SPATA4: variants seen among roughly 807,000 people sequenced by gnomAD.
SPATA4 encodes spermatogenesis associated 4, also known as spermatogenesis-associated protein 4.
SPATA4 carries 35 observed loss-of-function variants against 31.8 expected under a neutral mutation model. The observed-to-expected ratio is 1.10, with a 90% CI of 0.84 to 1.46. The LOEUF (loss-of-function observed/expected upper bound fraction) is 1.46, where lower values mean the gene tolerates loss of function less well. SPATA4 is among the 40% of genes most tolerant of loss of function. The probability of loss-of-function intolerance (pLI) is 0.00; values close to 1 mark genes in which losing one functional copy is unlikely to be tolerated. For missense variants in SPATA4, 394 were observed against 363.1 expected, an observed-to-expected ratio of 1.09 and a Z score of -0.69; for synonymous variants, 126 against 132.4, an observed-to-expected ratio of 0.95 and a Z score of 0.33.
rs756780103 is a variant in SPATA4 at position 176,195,554 on chromosome 4, G to T, written c.9C>A (p.Ala3=). The stretch of plus-strand genomic sequence containing the variant: ...TCAAATACCCTTTTTCCTGGCCGGC[G>T]GCAGCCATGACGCTTTCTGGGTTGC... MA[A]AGQEKGYLTQ... Residue 3 remains alanine (A), a synonymous_variant, in exon 1 of 6, where the codon GCC becomes GCA. Coordinates refer to ENST00000280191, the MANE Select transcript of SPATA4 (RefSeq NM_144644.4). 7 of 1,613,932 alleles carry T rather than the reference G, an allele frequency of 4.3e-6. No individual in the cohort carries two copies. The highest frequency in any genetic ancestry group is 1.3e-5 in the African/African-American group (1 of 74,930).
chr4:176,193,542 T>C lies in SPATA4; in HGVS notation c.259A>G (p.Ile87Val). ...NGFLIAEIFC[I>V]YYPWELELSS... ...AATTCAAGTTCCCAGGGGTAATATATACAGAATATTTCTGCAATTAGGAAG... is the reference window on the plus strand; with the variant it reads ...AATTCAAGTTCCCAGGGGTAATATACACAGAATATTTCTGCAATTAGGAAG... Residue 87 changes from isoleucine (I) to valine (V), a missense_variant, in exon 2 of 6, where the codon ATA becomes GTA. Coordinates refer to ENST00000280191, the MANE Select transcript of SPATA4 (RefSeq NM_144644.4). 6.2e-7 allele frequency: 1 copy of C among 1,612,408 alleles called. No homozygotes were observed. Among genetic ancestry groups the C allele is most frequent in the Non-Finnish European group, 8.5e-7 (1 of 1,179,666 alleles).
At chr4:176,192,602 T>C (rs1752547839) in intron 4 of SPATA4, 25 bp downstream of exon 4, 2 of 1,584,636 alleles carry the variant, frequency 1.3e-6, no homozygotes, top group African/African-American at 1.3e-5. Context: ...TTGGAAGAAC[T>C]CAGCTGTTTC....
chr4:176,190,130 C>T (rs150607440), intron 4 of SPATA4, among the ~76,000 whole-genome samples: 159 of 152,196 alleles, frequency 1.0e-3, no homozygotes, highest in African/African-American at 3.6e-3. Context: ...GGTCAGGTGT[C>T]GATCTTTAAC....
intron 5 of SPATA4, 33 bp downstream of exon 5, chr4:176,188,086 A>T: frequency 6.7e-7 from 1 of 1,490,250 alleles, no homozygotes; most frequent in Non-Finnish European, 9.3e-7. Context: ...GCAAAAAAAA[A>T]TCAATTTTAA....
chr4:176,185,678 T>C (rs549705763), intron 5 of SPATA4, among the ~76,000 whole-genome samples: 1 of 152,322 alleles, frequency 6.6e-6, no homozygotes, highest in African/African-American at 2.4e-5. Flanking sequence ...TGAAGTCCTT[T>C]GAACAAATTT....
At chr4:176,188,805 A>G (rs1752484710) in intron 4 of SPATA4, among the ~76,000 whole-genome samples, 1 of 152,084 alleles carries the variant, frequency 6.6e-6, no homozygotes, top group African/African-American at 2.4e-5. Context: ...TACTTGAGCA[A>G]TTTCCTTGTG....
intron 5 of SPATA4, among the ~76,000 whole-genome samples, chr4:176,186,182 T>C (rs763471017): frequency 6.6e-6 from 1 of 152,154 alleles, no homozygotes; most frequent in Non-Finnish European, 1.5e-5. Flanking sequence ...CAGGCATCAG[T>C]TTTTGTCTCT....
intron 5 of SPATA4, 70 bp from the exon 6 acceptor site, chr4:176,184,962 G>T (rs1256473192): frequency 1.1e-5 from 10 of 869,600 alleles, no homozygotes; most frequent in Non-Finnish European, 1.8e-5. Context: ...GCATCAACAT[G>T]TCTAATGTAT....
intron 5 of SPATA4, among the ~76,000 whole-genome samples, chr4:176,187,790 T>A (rs1752468634): frequency 6.6e-6 from 1 of 152,194 alleles, no homozygotes. Context: ...TATCTATATC[T>A]GTCTCAGGAC....
At chr4:176,188,281 GC>G in intron 4 of SPATA4, 46 bp from the exon 5 acceptor site, 1 of 1,234,296 alleles carries the variant, frequency 8.1e-7, no homozygotes, top group Non-Finnish European at 1.2e-6. Flanking sequence ...AGCCATAATG[GC>G]CATTGTCAAA....
In SPATA4 at chr4:176,193,452, C is replaced by A. The variant is rs1263373118; in HGVS notation, c.348+1G>T. 6.2e-7 allele frequency: 1 copy of A among 1,609,670 alleles called. No homozygotes were observed. The highest frequency in any genetic ancestry group is 8.5e-7 in the Non-Finnish European group (1 of 1,178,998). On this transcript the variant is annotated splice_donor_variant, in intron 2 of 5. Transcript: ENST00000280191. LOFTEE classifies it high-confidence loss of function. ...AAAAGTGTAAATGACTGCTAACGTACCTTCTCCAACTGTGCCCAGTTATCC... is the reference window on the plus strand; with the variant it reads ...AAAAGTGTAAATGACTGCTAACGTAACTTCTCCAACTGTGCCCAGTTATCC...
intron 5 of SPATA4, among the ~76,000 whole-genome samples, chr4:176,186,640 G>A (rs191481372): frequency 6.6e-5 from 10 of 152,194 alleles, no homozygotes; most frequent in East Asian, 3.9e-4. Flanking sequence ...GATTTTGATG[G>A]GCTGGCCTGA....
intron 1 of SPATA4, 119 bp downstream of exon 1, chr4:176,195,226 T>TG (rs574380018): frequency 1.9e-4 from 153 of 819,322 alleles, no homozygotes; most frequent in East Asian, 5.8e-4. Flanking sequence ...TGTACGTGGG[T>TG]GGGGGGGTCT....
chr4:176,190,244 G>A (rs565887053), intron 4 of SPATA4, among the ~76,000 whole-genome samples: 3 of 151,750 alleles, frequency 2.0e-5, no homozygotes, highest in Non-Finnish European at 4.4e-5. Flanking sequence ...GGCATAAGAC[G>A]ATAGGGGGGT....
chr4:176,195,332 C>T lies in SPATA4; in HGVS notation c.218+13G>A. The T allele has an allele frequency of 1.2e-6, 2 of 1,614,006 alleles. No individual in the cohort carries two copies. Among genetic ancestry groups the T allele is most frequent in the Middle Eastern group, 1.7e-4 (1 of 6,060 alleles). ...GCCCACCGGGGGGGCCTAGGACTGG[C>T]TTACTCAAGCACCTGTTGATGTTCC... On this transcript the variant is annotated intron_variant, in intron 1 of 5. Transcript: ENST00000280191.
chr4:176,186,942 T>C (rs1470579410), intron 5 of SPATA4, among the ~76,000 whole-genome samples: 2 of 152,182 alleles, frequency 1.3e-5, no homozygotes, highest in African/African-American at 4.8e-5. Context: ...ACATAATCTG[T>C]AGCAGAAGTC....
chr4:176,184,807 AG>A lies in SPATA4; in HGVS notation c.890del (p.Pro297LeufsTer41). ...GQHSYYSAMK[P>X]IRNMDKKP ...AAGGTTTCTTGTCCATGTTTCTGATAGGTTTCATAGCAGAGTAATAAGAATG... is the reference window on the plus strand; with the variant it reads ...AAGGTTTCTTGTCCATGTTTCTGATAGTTTCATAGCAGAGTAATAAGAATG... On this transcript the variant is annotated frameshift_variant, in exon 6 of 6. Transcript: ENST00000280191. LOFTEE classifies it low-confidence loss of function (END_TRUNC). The A allele has an allele frequency of 6.3e-7, 1 of 1,594,004 alleles. No homozygotes were observed.
At chr4:176,190,770 AC>A (rs1752515446) in intron 4 of SPATA4, among the ~76,000 whole-genome samples, 1 of 152,102 alleles carries the variant, frequency 6.6e-6, no homozygotes, top group Non-Finnish European at 1.5e-5. Flanking sequence ...TCCTTCTCCT[AC>A]ATGTGTCTTG....
chr4:176,194,528 G>A (rs527457902), intron 1 of SPATA4: 1 of 152,214 alleles, frequency 6.6e-6, no homozygotes, highest in African/African-American at 2.4e-5. Flanking sequence ...CTCTGATAAG[G>A]AGAGACTACT....
Sources: allele counts gnomAD v4.1 joint callset (sites outside exome capture counted in the v4.1 genomes callset), GRCh38; gene constraint gnomAD v4.1.1; transcripts MANE v1.5; gene names NCBI Gene and HGNC (gene_info 2026-07-23, HGNC 2026-07-21).